Variants in ZNF544 observed in about 807,000 individuals in gnomAD.
The protein encoded by ZNF544 is zinc finger protein AF020591.
Under a neutral mutation model 13.5 loss-of-function variants are expected in ZNF544, and 10 were observed. The ratio of observed to expected loss-of-function variants is 0.74; its 90% confidence interval spans 0.46 to 1.25. The LOEUF (loss-of-function observed/expected upper bound fraction) is 1.25. ZNF544 is among the 50% of genes most tolerant of loss of function. The pLI is 0.00. For synonymous variants in ZNF544, 323 were observed against 300.5 expected (o/e 1.07, Z -0.77); for missense variants, 896 against 845.6 (o/e 1.06, Z -0.74).
intron 6 of ZNF544, among the ~76,000 whole-genome samples, chr19:58,276,670 G>A (rs970106591): frequency 3.9e-5 from 6 of 152,148 alleles, no homozygotes; most frequent in African/African-American, 1.4e-4. Flanking sequence ...GTTTCACCAT[G>A]TTGGCCAGGG....
chr19:58,254,182 A>G (rs1431980180), intron 6 of ZNF544, among the ~76,000 whole-genome samples: 1 of 151,914 alleles, frequency 6.6e-6, no homozygotes, highest in African/African-American at 2.4e-5. Flanking sequence ...TGATATCACG[A>G]CACTGCACTC....
rs190288253 is a variant in ZNF544, at chr19:58,256,037, G to A, written c.245-4814G>A. 3.6e-3 allele frequency among the ~76,000 whole-genome samples: 551 copies of A among 152,326 alleles called. 10 individuals carry two copies. Among genetic ancestry groups the A allele is most frequent in the Middle Eastern group, 0.01 (3 of 294 alleles). ...GGCACTTCCACACAGAAATCTTTCC[G>A]TTTCACCAGAGAGTGGCTCCGGCCA... is the stretch of plus-strand genomic sequence containing the variant. On this transcript the variant is annotated intron_variant, in intron 6 of 6. Transcript: ENST00000687789.
chr19:58,251,837 TCTTTCCA>T (rs1319666888), intron 6 of ZNF544, among the ~76,000 whole-genome samples: 3 of 152,166 alleles, frequency 2.0e-5, no homozygotes. Context: ...TTAGCTAAGC[TCTTTCCA>T]CTTTTTTGGA....
chr19:58,260,484 T>G (rs557476121), intron 6 of ZNF544: 48 of 161,674 alleles, frequency 3.0e-4, no homozygotes, highest in Non-Finnish European at 5.4e-4. Flanking sequence ...TTTACCATGT[T>G]GACCAAGCTG....
chr19:58,252,882 C>G (rs903519671), intron 6 of ZNF544, among the ~76,000 whole-genome samples: 1 of 152,178 alleles, frequency 6.6e-6, no homozygotes, highest in African/African-American at 2.4e-5. Context: ...TGCAGTGGCA[C>G]AATCTCGGCT....
At chr19:58,252,757 A>G (rs930639602) in intron 6 of ZNF544, among the ~76,000 whole-genome samples, 1 of 152,250 alleles carries the variant, frequency 6.6e-6, no homozygotes, top group Admixed American at 6.5e-5. Context: ...TTTATAGATG[A>G]GAAGAATTCC....
chr19:58,247,085 G>T (rs260484), intron 6 of ZNF544, among the ~76,000 whole-genome samples: 88,832 of 151,788 alleles, frequency 0.59, 26,163 homozygotes, highest in Middle Eastern at 0.7. Context: ...ATTAATGTAT[G>T]TATTTATTTA....
In ZNF544 at chr19:58,262,555, A is replaced by T. The variant is rs1430962805; in HGVS notation, c.1949A>T (p.His650Leu). 6.2e-7 allele frequency: 1 copy of T among 1,614,262 alleles called. No individual in the cohort carries two copies. The highest frequency in any genetic ancestry group is 8.5e-7 in the Non-Finnish European group (1 of 1,180,034). The change falls in exon 7 of 7, where the codon CAT becomes CTT. Residue 650 changes from histidine (H) to leucine (L), a missense_variant. By Grantham distance (99) the His-to-Leu change is moderately conservative. Transcript: ENST00000687789. ...AFARSSYLVM[H>L]QRTHTGEKPF... is the part of the protein sequence containing the mutation. ...GCAAGGAGCTCCTACCTTGTGATGC[A>T]TCAGAGAACTCACACTGGTGAGAAA... is the stretch of plus-strand genomic sequence containing the variant.
intron 3 of ZNF544, among the ~76,000 whole-genome samples, chr19:58,234,178 T>G (rs935781679): frequency 5.3e-5 from 8 of 152,196 alleles, no homozygotes; most frequent in Non-Finnish European, 1.0e-4. Flanking sequence ...AGATAGAATC[T>G]AAACTTGTAT....
intron 1 of ZNF544, 60 bp from the exon 2 acceptor site, chr19:58,229,408 A>C (rs1367080268): frequency 6.6e-6 from 1 of 152,168 alleles, no homozygotes; most frequent in African/African-American, 2.4e-5. Context: ...CTGCCGACCC[A>C]GCGGGCCTCT....
intron 3 of ZNF544, among the ~76,000 whole-genome samples, chr19:58,241,177 A>AT (rs1246354443): frequency 5.7e-5 from 5 of 87,106 alleles, no homozygotes; most frequent in East Asian, 3.7e-4. Context: ...ATATATATAT[A>AT]TATTTTTTTT....
In ZNF544 at chr19:58,262,494, A is replaced by T. The variant is rs2085890308; in HGVS notation, c.1888A>T (p.Lys630Ter). The T allele has an allele frequency of 1.2e-6, 2 of 1,614,084 alleles. No individual in the cohort carries two copies. The highest frequency in any genetic ancestry group is 2.7e-5 in the African/African-American group (2 of 74,938). ...IRHLQIHTGE[K>*]PYKCNQCNKA... ...GCATCTGCAAATTCACACTGGGGAG[A>T]AGCCGTACAAATGCAATCAGTGCAA... The change falls in exon 7 of 7, where the codon AAG becomes TAG. Residue 630 changes from lysine to a stop codon, truncating the protein, a stop_gained. Transcript: ENST00000687789. LOFTEE classifies it low-confidence loss of function (END_TRUNC).
intron 3 of ZNF544, chr19:58,231,740 CTGTT>C (rs1458546008): frequency 6.6e-6 from 1 of 152,122 alleles, no homozygotes; most frequent in African/African-American, 2.4e-5. Context: ...TGTGAACTAT[CTGTT>C]TGTGACTGTC....
Position 58,261,459 on chromosome 19 carries a change from CTGAA to C in ZNF544, c.858_861del (p.Glu287ArgfsTer192), listed in dbSNP as rs774592886. The C allele has an allele frequency of 5.2e-5, 84 of 1,614,148 alleles. No homozygotes were observed. The South Asian group carries it at 7.7e-4, about 15-fold the overall frequency. On this transcript the variant is annotated frameshift_variant, in exon 7 of 7. Coordinates refer to ENST00000687789, the MANE Select transcript of ZNF544 (RefSeq NM_014480.4). LOFTEE classifies it low-confidence loss of function (END_TRUNC). ...AAACCTCTTCAGTCACAGTGTGTCTCTGAATGAACAGAAGCCAGTGCATTTTGGG... is the reference window on the plus strand; with the variant it reads ...AAACCTCTTCAGTCACAGTGTGTCTCTGAACAGAAGCCAGTGCATTTTGGG...
chr19:58,245,367 T>C (rs2044920725), intron 4 of ZNF544, among the ~76,000 whole-genome samples: 1 of 151,236 alleles, frequency 6.6e-6, no homozygotes, highest in South Asian at 2.1e-4. Flanking sequence ...AATGGCGCGA[T>C]CTCAGCTCAC....
At chr19:58,274,856 A>G (rs749534916) in intron 5 of ZNF544, among the ~76,000 whole-genome samples, 8 of 152,120 alleles carry the variant, frequency 5.3e-5, no homozygotes, top group Non-Finnish European at 1.2e-4. Flanking sequence ...GTATATTCCT[A>G]TGAAAATGAG....
intron 5 of ZNF544, among the ~76,000 whole-genome samples, chr19:58,271,215 G>GAAA (rs78260094): frequency 1.7e-5 from 2 of 116,954 alleles, no homozygotes; most frequent in African/African-American, 6.3e-5. Flanking sequence ...CCGTCTCCAG[G>GAAA]AAAAAAAAAA....
intron 4 of ZNF544, 104 bp downstream of exon 4, chr19:58,244,160 AGT>A: frequency 1.2e-6 from 1 of 868,542 alleles, no homozygotes. Flanking sequence ...AGCGCTCCGC[AGT>A]GCTGGCCAGT....
At chr19:58,273,291 T>C (rs897566869) in intron 5 of ZNF544, among the ~76,000 whole-genome samples, 2 of 152,224 alleles carry the variant, frequency 1.3e-5, no homozygotes, top group African/African-American at 2.4e-5. Context: ...AGAATATATA[T>C]GAAACAGCTA....
Sources: gnomAD v4.1 joint callset for allele counts (sites outside exome capture counted in the v4.1 genomes callset) on GRCh38, gnomAD v4.1.1 for gene constraint, MANE v1.5 for transcripts, NCBI Gene and HGNC (gene_info 2026-07-23, HGNC 2026-07-21) for gene names.